The following SQOR variants were observed in gnomAD, a reference collection of about 807,000 sequenced individuals.
The protein encoded by SQOR is sulfide quinone oxidoreductase.
SQOR carries 39 observed loss-of-function variants against 48.6 expected under a neutral mutation model. That is an observed-to-expected ratio of 0.80 (90% CI 0.62 to 1.05). SQOR has a LOEUF of 1.05. Among genes scored for constraint, SQOR ranks in the 50% least tolerant of loss-of-function variants. SQOR has a pLI of 0.00. For missense variants in SQOR, 561 were observed against 559.9 expected, an observed-to-expected ratio of 1.00 and a Z score of -0.02; for synonymous variants, 220 against 206.2, an observed-to-expected ratio of 1.07 and a Z score of -0.57.
chr15:45,683,026 C>CA (rs34072446), intron 7 of SQOR, among the ~76,000 whole-genome samples: 26,991 of 119,592 alleles, frequency 0.23, 2,923 homozygotes, highest in Middle Eastern at 0.27. Flanking sequence ...GGCTTCATCT[C>CA]AAAAAAAAAA....
At chr15:45,682,698 A>G (rs1361989406) in intron 7 of SQOR, 37 bp downstream of exon 7, 2 of 1,606,082 alleles carry the variant, frequency 1.2e-6, no homozygotes, top group Non-Finnish European at 8.5e-7. Context: ...TTTCTCAAAA[A>G]TATGTCACCT....
At chr15:45,686,152 A>AATATATAT (rs61545631) in intron 7 of SQOR, among the ~76,000 whole-genome samples, 3 of 150,014 alleles carry the variant, frequency 2.0e-5, no homozygotes, top group African/African-American at 4.9e-5. Context: ...GGCCTCATTT[A>AATATATAT]ATATATATAT....
chr15:45,676,940 C>T (rs969194039), intron 6 of SQOR, among the ~76,000 whole-genome samples: 1 of 151,700 alleles, frequency 6.6e-6, no homozygotes, highest in Admixed American at 6.6e-5. Context: ...ACCCGGGAGG[C>T]TGAGGCAGGA....
At chr15:45,681,624 TTCAA>T (rs1345799693) in intron 6 of SQOR, among the ~76,000 whole-genome samples, 4 of 152,294 alleles carry the variant, frequency 2.6e-5, no homozygotes, top group Admixed American at 2.6e-4. Flanking sequence ...TCGTGAACAT[TTCAA>T]TCAATGTGTC....
intron 6 of SQOR, among the ~76,000 whole-genome samples, chr15:45,676,972 C>T (rs1204202862): frequency 2.0e-5 from 3 of 149,354 alleles, no homozygotes; most frequent in Non-Finnish European, 3.0e-5. Flanking sequence ...ACCCAGAAGG[C>T]GGAGGCTGCA....
chr15:45,689,270 C>T, intron 9 of SQOR, 53 bp downstream of exon 9: 1 of 1,575,938 alleles, frequency 6.3e-7, no homozygotes, highest in African/African-American at 1.3e-5. Flanking sequence ...AGCACATCTC[C>T]ACCCAAAGGG....
intron 3 of SQOR, among the ~76,000 whole-genome samples, chr15:45,666,362 G>T (rs1183948383): frequency 2.0e-5 from 3 of 152,148 alleles, no homozygotes; most frequent in Non-Finnish European, 4.4e-5. Flanking sequence ...GGCAGGAAGT[G>T]TATCTTTCTT....
At chr15:45,680,987 T>C (rs1890117490) in intron 6 of SQOR, among the ~76,000 whole-genome samples, 1 of 151,842 alleles carries the variant, frequency 6.6e-6, no homozygotes, top group South Asian at 2.1e-4. Context: ...GACAGGTGGA[T>C]TGCTTGAGCC....
chr15:45,690,544 G>A (rs1465500309), intron 9 of SQOR, among the ~76,000 whole-genome samples: 2 of 152,190 alleles, frequency 1.3e-5, no homozygotes, highest in South Asian at 2.1e-4. Flanking sequence ...CTGGAGGGGT[G>A]CTACTTGCAT....
chr15:45,689,240 G>C, intron 9 of SQOR, 23 bp downstream of exon 9: 1 of 1,611,374 alleles, frequency 6.2e-7, no homozygotes, highest in Non-Finnish European at 8.5e-7. Flanking sequence ...CCTGGTTCCT[G>C]GATGAGGAAA....
intron 1 of SQOR, among the ~76,000 whole-genome samples, chr15:45,658,375 G>T (rs1465554600): frequency 6.6e-6 from 1 of 152,134 alleles, no homozygotes; most frequent in African/African-American, 2.4e-5. Context: ...TGCCCTGGTG[G>T]GTACTCTGAG....
chr15:45,679,447 T>C (rs1420999741), intron 6 of SQOR, among the ~76,000 whole-genome samples: 1 of 152,188 alleles, frequency 6.6e-6, no homozygotes, highest in Non-Finnish European at 1.5e-5. Flanking sequence ...CTCAAGTCTA[T>C]AATCCCAGCA....
chr15:45,641,852 G>A (rs993382674), intron 1 of SQOR, among the ~76,000 whole-genome samples: 2 of 152,048 alleles, frequency 1.3e-5, no homozygotes, highest in African/African-American at 2.4e-5. Context: ...TAATGTCATC[G>A]TTCACATTCT....
At chr15:45,633,049 A>C (rs1401945490), upstream of SQOR, among the ~76,000 whole-genome samples, 2 of 151,910 alleles carry the variant, frequency 1.3e-5, no homozygotes, top group African/African-American at 4.8e-5. Context: ...TTTAAGCTCC[A>C]GAGGTCAAGG....
intron 3 of SQOR, among the ~76,000 whole-genome samples, chr15:45,663,953 A>G (rs1889766728): frequency 6.6e-6 from 1 of 152,230 alleles, no homozygotes; most frequent in Admixed American, 6.5e-5. Context: ...TTCTTATTGA[A>G]CTGGATATTA....
chr15:45,633,140 C>A (rs529080530), upstream of SQOR, among the ~76,000 whole-genome samples: 6 of 150,332 alleles, frequency 4.0e-5, no homozygotes, highest in East Asian at 1.2e-3. Context: ...AAAAAAAAAA[C>A]CCAAAAAACC....
chr15:45,655,859 T>G (rs1889596244), intron 1 of SQOR, among the ~76,000 whole-genome samples: 1 of 152,128 alleles, frequency 6.6e-6, no homozygotes, highest in Non-Finnish European at 1.5e-5. Flanking sequence ...AATTTTTTTT[T>G]GTATTTTAGT....
At chr15:45,637,665 G>T (rs1233645512) in intron 1 of SQOR, among the ~76,000 whole-genome samples, 1 of 152,188 alleles carries the variant, frequency 6.6e-6, no homozygotes, top group African/African-American at 2.4e-5. Context: ...GTGTGTGCGT[G>T]TCTGTGTGGC....
chr15:45,677,695 GTATT>G (rs1195880143), intron 6 of SQOR, among the ~76,000 whole-genome samples: 4 of 151,972 alleles, frequency 2.6e-5, no homozygotes, highest in Admixed American at 2.0e-4. Flanking sequence ...GCTTTGATAT[GTATT>G]TATTTATTTA....
Sources: allele counts gnomAD v4.1 joint callset (sites outside exome capture counted in the v4.1 genomes callset), GRCh38; gene constraint gnomAD v4.1.1; transcripts MANE v1.5; gene names NCBI Gene and HGNC (gene_info 2026-07-23, HGNC 2026-07-21).